OR2T11: variants seen among roughly 807,000 people sequenced by gnomAD.
The protein encoded by OR2T11 is olfactory receptor 2T11.
OR2T11 carries 14 observed loss-of-function variants against 13.5 expected under a neutral mutation model. The ratio of observed to expected loss-of-function variants is 1.04; its 90% CI spans 0.69 to 1.62. The LOEUF (loss-of-function observed/expected upper bound fraction) is 1.62. OR2T11 is among the 40% of genes most tolerant of loss of function. The pLI is 0.00. For missense variants in OR2T11, 410 were observed against 389.7 expected, an observed-to-expected ratio of 1.05 and a Z score of -0.44; for synonymous variants, 163 against 154.6, an observed-to-expected ratio of 1.05 and a Z score of -0.40.
rs1276470953 is a variant in OR2T11 at position 248,631,280 on chromosome 1, G to A, written c.-145+3758C>T. ...TGAGACATGTTGCAATAATGAATTGGCCAGCACTTGTGTAGTGCTTCTTGC... is the reference window on the plus strand; with the variant it reads ...TGAGACATGTTGCAATAATGAATTGACCAGCACTTGTGTAGTGCTTCTTGC... On this transcript the variant is annotated intron_variant, in intron 1 of 1. Coordinates refer to ENST00000641193, the MANE Select transcript of OR2T11 (RefSeq NM_001001964.2). 1.4e-5 allele frequency among the ~76,000 whole-genome samples: 2 copies of A among 143,364 alleles called. 1 individual carries two copies. The highest frequency in any genetic ancestry group is 5.5e-5 in the African/African-American group (2 of 36,416). 94.1% of individuals were successfully genotyped at this position (143,364 alleles called of 152,430 possible).
chr1:248,633,993 GT>G (rs66647384), intron 1 of OR2T11, among the ~76,000 whole-genome samples: 12,293 of 133,084 alleles, frequency 0.092, 1,937 homozygotes, highest in East Asian at 0.22. Flanking sequence ...GTTTTTTGGT[GT>G]TTTTTTTTTT....
In OR2T11 at chr1:248,630,091, T is replaced by C. The variant is rs1397172934; in HGVS notation, c.-144-2819A>G. Among the ~76,000 whole-genome samples, 3 of 94,156 alleles carry C rather than the reference T, an allele frequency of 3.2e-5. 1 individual carries two copies. The highest frequency in any genetic ancestry group is 6.6e-5 in the Non-Finnish European group (3 of 45,192). 61.8% of individuals were successfully genotyped at this position (94,156 alleles called of 152,430 possible). A position where few individuals can be genotyped will look rare whatever the true frequency, so the allele number is the denominator to read the frequency against. ...TTGAATAAATCATTTTTAAACACATTCAGCTAGCAAAAATGCAAATTATTT... is the reference window on the plus strand; with the variant it reads ...TTGAATAAATCATTTTTAAACACATCCAGCTAGCAAAAATGCAAATTATTT... On this transcript the variant is annotated intron_variant, in intron 1 of 1. Coordinates refer to ENST00000641193, the MANE Select transcript of OR2T11 (RefSeq NM_001001964.2).
intron 1 of OR2T11, among the ~76,000 whole-genome samples, chr1:248,630,150 C>T (rs1348869154): frequency 7.0e-6 from 1 of 142,720 alleles, no homozygotes; most frequent in Admixed American, 6.8e-5. Context: ...AGAATTCCTT[C>T]AAAACACCTC....
intron 1 of OR2T11, among the ~76,000 whole-genome samples, chr1:248,634,772 TTC>T (rs1491312140): frequency 7.0e-6 from 1 of 142,934 alleles, no homozygotes; most frequent in African/African-American, 2.7e-5. Flanking sequence ...GACAGGGATG[TTC>T]TGTCACTTTT....
chr1:248,628,902 A>T (rs572302436), intron 1 of OR2T11, among the ~76,000 whole-genome samples: 1 of 143,026 alleles, frequency 7.0e-6, no homozygotes, highest in African/African-American at 2.8e-5. Context: ...TCCACTCCTG[A>T]TCGTTTCAAT....
Position 248,626,883 on chromosome 1 carries a change from C to T in OR2T11, c.246G>A (p.Met82Ile). 3.8e-6 allele frequency: 6 copies of T among 1,570,720 alleles called. 1 individual carries two copies. In the South Asian group the frequency reaches 5.6e-5, roughly 15 times the overall value. The part of the protein sequence containing the change: ...CTTVPKLLAD[M>I]VSKEKIISFV... ...AGGAAATGATCTTCTCTTTAGAAAC[C>T]ATGTCTGCCAGGAGTTTTGGGACAG... Residue 82 changes from methionine to isoleucine, a missense_variant, in exon 2 of 2, where the codon ATG becomes ATA. By Grantham distance (10) the Met-to-Ile change is conservative. Coordinates refer to ENST00000641193, the MANE Select transcript of OR2T11 (RefSeq NM_001001964.2).
Position 248,623,732 on chromosome 1 carries a change from T to C in OR2T11, c.*2446A>G, listed in dbSNP as rs1660474650. The C allele has an allele frequency of 1.4e-5, 2 of 143,332 alleles. No individual in the cohort carries two copies. Among genetic ancestry groups the C allele is most frequent in the Non-Finnish European group, 3.0e-5 (2 of 66,256 alleles). The allele number at this position is 143,332 out of a possible 1,614,324, so 8.9% of individuals were successfully genotyped here. ...GCTGCTGTTATTTTGTCCTTGTTTT[T>C]AACATAATTCTAGTTAACATATTGA... On this transcript the variant is annotated 3_prime_UTR_variant, in exon 2 of 2. Coordinates refer to ENST00000641193, the MANE Select transcript of OR2T11 (RefSeq NM_001001964.2).
In OR2T11 at chr1:248,627,245, C is replaced by T. The variant is rs1221671007; in HGVS notation, c.-117G>A. 2.1e-5 allele frequency: 13 copies of T among 627,116 alleles called. 4 individuals are homozygous for T. Among genetic ancestry groups the T allele is most frequent in the East Asian group, 1.1e-4 (4 of 35,578 alleles). The allele number at this position is 627,116 out of a possible 1,614,324, so 38.8% of individuals were successfully genotyped here. On this transcript the variant is annotated 5_prime_UTR_variant, in exon 2 of 2. Coordinates refer to ENST00000641193, the MANE Select transcript of OR2T11 (RefSeq NM_001001964.2). ...GTAGAGGTGACACTTCTGAGGGTAC[C>T]GTCAGGATGAAGCTTCCAGGCTAGA...
chr1:248,631,566 C>T (rs1660615916), intron 1 of OR2T11, among the ~76,000 whole-genome samples: 1 of 143,262 alleles, frequency 7.0e-6, no homozygotes, highest in Non-Finnish European at 1.5e-5. Flanking sequence ...TAAATGAATG[C>T]AGGGTAAAAG....
At chr1:248,630,573 T>A (rs1268282035) in intron 1 of OR2T11, among the ~76,000 whole-genome samples, 1 of 144,170 alleles carries the variant, frequency 6.9e-6, no homozygotes, top group Non-Finnish European at 1.5e-5. Flanking sequence ...CTGCAGATGT[T>A]AATCTAGTTA....
chr1:248,631,627 C>T (rs1207520457), intron 1 of OR2T11, among the ~76,000 whole-genome samples: 1 of 143,432 alleles, frequency 7.0e-6, no homozygotes, highest in African/African-American at 2.8e-5. Context: ...AAGTTGTCAA[C>T]AAAGCAATAA....
Position 248,626,303 on chromosome 1 carries a change from T to C in OR2T11, c.826A>G (p.Thr276Ala). The stretch of plus-strand genomic sequence containing the variant: ...GGATTAAGCATGGGCGTGACAATGG[T>C]ATAGAAGGCTGACACTACTTTGTCC... ...EQDKVVSAFY[T>A]IVTPMLNPLI... is the part of the protein sequence containing the mutation. Residue 276 changes from threonine (T) to alanine (A), a missense_variant, in exon 2 of 2, where the codon ACC becomes GCC. Transcript: ENST00000641193. 2 of 1,569,174 alleles carry C rather than the reference T, an allele frequency of 1.3e-6. No individual in the cohort carries two copies. Among genetic ancestry groups the C allele is most frequent in the Non-Finnish European group, 1.7e-6 (2 of 1,152,868 alleles).
At position 248,623,755 on chromosome 1, in the gene OR2T11, T is replaced by C. The variant is rs1660474921; in HGVS notation, c.*2423A>G. The C allele has an allele frequency of 7.0e-6, 1 of 143,048 alleles. No individual in the cohort carries two copies. Among genetic ancestry groups the C allele is most frequent in the Non-Finnish European group, 1.5e-5 (1 of 66,186 alleles). The allele number at this position is 143,048 out of a possible 1,614,324, so 8.9% of individuals were successfully genotyped here. ...TTTAACATAATTCTAGTTAACATAT[T>C]GAGTGCCTACTATTTTCTGGCCACC... On this transcript the variant is annotated 3_prime_UTR_variant, in exon 2 of 2. Transcript: ENST00000641193.
Position 248,623,575 on chromosome 1 carries a change from C to G in OR2T11, c.*2603G>C, listed in dbSNP as rs1463656134. The stretch of plus-strand genomic sequence containing the variant: ...TCTGCCTATACAACTTTTAATTGCC[C>G]AAAGAGACAAATTTATTGAAATAAA... On this transcript the variant is annotated 3_prime_UTR_variant, in exon 2 of 2. Transcript: ENST00000641193. The G allele has an allele frequency of 7.0e-6, 1 of 143,296 alleles. No individual in the cohort carries two copies. The highest frequency in any genetic ancestry group is 6.8e-5 in the Admixed American group (1 of 14,742). 8.9% of individuals were successfully genotyped at this position (143,296 alleles called of 1,614,324 possible).
Position 248,634,098 on chromosome 1 carries a change from G to A in OR2T11, c.-145+940C>T, listed in dbSNP as rs865907770. On this transcript the variant is annotated intron_variant, in intron 1 of 1. Transcript: ENST00000641193. ...GTTTCCACGTCGTCTCTTCAAACCCGAGATGCCAAGGAAACTTTCTTTTAA... is the reference window on the plus strand; with the variant it reads ...GTTTCCACGTCGTCTCTTCAAACCCAAGATGCCAAGGAAACTTTCTTTTAA... Among the ~76,000 whole-genome samples, 45 of 141,378 alleles carry A rather than the reference G, an allele frequency of 3.2e-4. 2 individuals are homozygous for A. The Middle Eastern group carries it at 0.038, about 120-fold the overall frequency. 92.7% of individuals were successfully genotyped at this position (141,378 alleles called of 152,430 possible).
At position 248,627,286 on chromosome 1, in the gene OR2T11, GGCAGACCAACAT is replaced by G; in HGVS notation, c.-144-26_-144-15del. 1 of 569,660 alleles carries G rather than the reference GGCAGACCAACAT, an allele frequency of 1.8e-6. No individual in the cohort carries two copies. The highest frequency in any genetic ancestry group is 3.1e-6 in the Non-Finnish European group (1 of 325,314). 35.3% of individuals were successfully genotyped at this position (569,660 alleles called of 1,614,324 possible). On this transcript the variant is annotated splice_polypyrimidine_tract_variant and intron_variant, in intron 1 of 1. Transcript: ENST00000641193. Reference sequence around the variant, plus strand: ...CCAGGCTAGAGGCTAGAGAAGAACAGGCAGACCAACATGCACATCATGAAGCAAAAACCATGG... The same window carrying G: ...CCAGGCTAGAGGCTAGAGAAGAACAGGCACATCATGAAGCAAAAACCATGG...
rs371842877 is a variant in OR2T11 at position 248,626,945 on chromosome 1, G to A, written c.184C>T (p.Gln62Ter). 1.3e-5 allele frequency: 21 copies of A among 1,571,898 alleles called. 4 individuals carry two copies. The highest frequency in any genetic ancestry group is 1.6e-5 in the Non-Finnish European group (18 of 1,155,968). ...LHTPMYFLLS[Q>*]LSIMDTLFIC... is the part of the protein sequence containing the mutation. ...AAAAGGGTGTCCATGATGGACAGCT[G>A]ACTGAGCAGAAAGTACATGGGGGTG... Residue 62 changes from glutamine (Q) to a stop codon, truncating the protein, a stop_gained, in exon 2 of 2, where the codon CAG becomes TAG. Coordinates refer to ENST00000641193, the MANE Select transcript of OR2T11 (RefSeq NM_001001964.2). LOFTEE classifies it high-confidence loss of function.
At chr1:248,634,944 GCTTTCTT>G (rs1201640322) in intron 1 of OR2T11, 87 bp downstream of exon 1, 1 of 144,072 alleles carries the variant, frequency 6.9e-6, no homozygotes, top group African/African-American at 2.7e-5. Context: ...TAGACTTTAT[GCTTTCTT>G]CTATTACAAT....
rs762557072 is a variant in OR2T11 at position 248,626,155 on chromosome 1, C to T, written c.*23G>A. On this transcript the variant is annotated 3_prime_UTR_variant, in exon 2 of 2. Transcript: ENST00000641193. ...CAAATGGAGGAAGTCCTTAGGAAGC[C>T]TTATCCTCTGGGCAGTGACTCTCTA... The T allele has an allele frequency of 2.2e-5, 29 of 1,326,662 alleles. 3 individuals are homozygous for T. The highest frequency in any genetic ancestry group is 1.5e-5 in the Non-Finnish European group (14 of 939,486). 82.2% of individuals were successfully genotyped at this position (1,326,662 alleles called of 1,614,324 possible).
Sources: gnomAD v4.1 joint callset for allele counts (sites outside exome capture counted in the v4.1 genomes callset) on GRCh38, gnomAD v4.1.1 for gene constraint, MANE v1.5 for transcripts, NCBI Gene and HGNC (gene_info 2026-07-23, HGNC 2026-07-21) for gene names.